Variants in NXPH1 observed in about 807,000 individuals in gnomAD.
NXPH1 encodes neurexophilin 1, also known as neurexophilin-1.
NXPH1 carries 5 observed loss-of-function variants against 23.7 expected under a neutral mutation model. The observed-to-expected ratio is 0.21, with a 90% CI of 0.11 to 0.44. NXPH1 has a LOEUF of 0.44. NXPH1 is among the 20% of genes least tolerant of loss of function. The probability of loss-of-function intolerance (pLI) is 0.99; values close to 1 mark genes in which losing one functional copy is unlikely to be tolerated. For synonymous variants in NXPH1, 144 were observed against 122.2 expected (o/e 1.18, Z -1.18); for missense variants, 324 against 321.6 (o/e 1.01, Z -0.06).
intron 2 of NXPH1, among the ~76,000 whole-genome samples, chr7:8,451,061 C>A (rs1278916339): frequency 6.6e-6 from 1 of 150,568 alleles, no homozygotes; most frequent in Non-Finnish European, 1.5e-5. Context: ...TCTGGATGAA[C>A]ATCTGCACTG....
chr7:8,488,292 A>G (rs1817192020), intron 2 of NXPH1, among the ~76,000 whole-genome samples: 1 of 151,870 alleles, frequency 6.6e-6, no homozygotes, highest in Non-Finnish European at 1.5e-5. Flanking sequence ...TCTTACATAC[A>G]CATTTATGTA....
intron 2 of NXPH1, among the ~76,000 whole-genome samples, chr7:8,573,144 C>G (rs1335858661): frequency 1.3e-5 from 2 of 151,574 alleles, no homozygotes; most frequent in Non-Finnish European, 2.9e-5. Flanking sequence ...TTCTGTCCTG[C>G]TATTTCACTT....
chr7:8,732,062 C>T lies in NXPH1; in HGVS notation c.55-18946C>T, dbSNP rs576198771. ...CTCCTGGTGCGCCATTTTTTAAGCC[C>T]GTCGGAAAAGCGCAATATTCGGGTG... On this transcript the variant is annotated intron_variant, in intron 2 of 2. Coordinates refer to ENST00000405863, the MANE Select transcript of NXPH1 (RefSeq NM_152745.3). Among the ~76,000 whole-genome samples the T allele has an allele frequency of 1.3e-4, 20 of 152,358 alleles. No homozygotes were observed. The South Asian group carries it at 1.4e-3, about 11-fold the overall frequency.
At chr7:8,516,007 T>A (rs1249900023) in intron 2 of NXPH1, among the ~76,000 whole-genome samples, 1 of 152,066 alleles carries the variant, frequency 6.6e-6, no homozygotes, top group Non-Finnish European at 1.5e-5. Context: ...ACTTCTGTCT[T>A]AGTCATATAT....
At chr7:8,614,504 C>CAT (rs975775062) in intron 2 of NXPH1, among the ~76,000 whole-genome samples, 1 of 151,518 alleles carries the variant, frequency 6.6e-6, no homozygotes, top group Non-Finnish European at 1.5e-5. Flanking sequence ...GATATGGATA[C>CAT]ATATATATAC....
At chr7:8,726,509 C>T (rs537381264) in intron 2 of NXPH1, among the ~76,000 whole-genome samples, 181 of 135,302 alleles carry the variant, frequency 1.3e-3, no homozygotes, top group African/African-American at 4.6e-3. Flanking sequence ...CAACAGTCCC[C>T]AGAGTGTGAT....
At chr7:8,697,025 G>C (rs1320520799) in intron 2 of NXPH1, among the ~76,000 whole-genome samples, 2 of 151,370 alleles carry the variant, frequency 1.3e-5, no homozygotes, top group African/African-American at 4.9e-5. Flanking sequence ...GGGTGTGGTG[G>C]TGGGCGCCTG....
intron 2 of NXPH1, among the ~76,000 whole-genome samples, chr7:8,637,395 A>G (rs993306179): frequency 6.6e-6 from 1 of 151,922 alleles, no homozygotes; most frequent in Non-Finnish European, 1.5e-5. Flanking sequence ...GCTAATTTAA[A>G]AAAGTATTTT....
intron 2 of NXPH1, among the ~76,000 whole-genome samples, chr7:8,466,681 A>T (rs898770056): frequency 6.6e-6 from 1 of 152,190 alleles, no homozygotes; most frequent in African/African-American, 2.4e-5. Context: ...GATATTACTC[A>T]TATTACCTAT....
intron 2 of NXPH1, among the ~76,000 whole-genome samples, chr7:8,606,501 CTCTT>C (rs1396836076): frequency 1.3e-5 from 2 of 152,126 alleles, no homozygotes; most frequent in South Asian, 2.1e-4. Context: ...TAAAAACTGT[CTCTT>C]TCCTCTGCTG....
chr7:8,486,176 T>C (rs948528827), intron 2 of NXPH1, among the ~76,000 whole-genome samples: 2 of 152,170 alleles, frequency 1.3e-5, no homozygotes, highest in Non-Finnish European at 2.9e-5. Context: ...GCAAGTAGTT[T>C]CCCTCCTTCT....
intron 2 of NXPH1, among the ~76,000 whole-genome samples, chr7:8,581,130 C>A (rs1257960013): frequency 6.6e-6 from 1 of 152,030 alleles, no homozygotes; most frequent in Admixed American, 6.5e-5. Flanking sequence ...TGAAATTTTC[C>A]CCAGAGGGGT....
intron 2 of NXPH1, among the ~76,000 whole-genome samples, chr7:8,684,847 T>G (rs976465636): frequency 1.3e-5 from 2 of 152,208 alleles, no homozygotes; most frequent in Non-Finnish European, 2.9e-5. Context: ...TTCTATAAGA[T>G]GTACTTGCTG....
chr7:8,635,370 G>C (rs10242258), intron 2 of NXPH1, among the ~76,000 whole-genome samples: 3 of 152,186 alleles, frequency 2.0e-5, no homozygotes, highest in Non-Finnish European at 4.4e-5. Context: ...AAGAACTTCA[G>C]AGTTTCTTTC....
intron 2 of NXPH1, among the ~76,000 whole-genome samples, chr7:8,695,753 A>T (rs898079484): frequency 2.6e-5 from 4 of 152,216 alleles, no homozygotes; most frequent in African/African-American, 9.6e-5. Flanking sequence ...ATAAAGAAAA[A>T]ATAGCCTACA....
chr7:8,525,720 C>A (rs911423744), intron 2 of NXPH1, among the ~76,000 whole-genome samples: 2 of 152,186 alleles, frequency 1.3e-5, no homozygotes, highest in African/African-American at 4.8e-5. Flanking sequence ...GAGGTGGAAG[C>A]CCCAAGCCTT....
chr7:8,732,439 A>G (rs1048972800), intron 2 of NXPH1, among the ~76,000 whole-genome samples: 1 of 152,204 alleles, frequency 6.6e-6, no homozygotes, highest in African/African-American at 2.4e-5. Context: ...ATTACCATTC[A>G]TATAATAGCC....
intron 2 of NXPH1, among the ~76,000 whole-genome samples, chr7:8,574,394 C>A (rs140817071): frequency 1.3e-5 from 2 of 151,980 alleles, no homozygotes; most frequent in African/African-American, 2.4e-5. Flanking sequence ...GACTCTGACT[C>A]GAACTGACTT....
intron 2 of NXPH1, among the ~76,000 whole-genome samples, chr7:8,745,507 T>G (rs35726857): frequency 0.18 from 24,778 of 136,064 alleles, 2,197 homozygotes; most frequent in South Asian, 0.22. Context: ...GAATAATAAG[T>G]TTTTTTTTCA....
Sources: allele counts gnomAD v4.1 joint callset (sites outside exome capture counted in the v4.1 genomes callset), GRCh38; gene constraint gnomAD v4.1.1; transcripts MANE v1.5; gene names NCBI Gene and HGNC (gene_info 2026-07-23, HGNC 2026-07-21).